Variants in RIT2 observed in about 807,000 individuals in gnomAD.
RIT2 encodes Ras like without CAAX 2.
In RIT2, 24 loss-of-function variants were observed where a neutral mutation model predicts 23.7. The ratio of observed to expected loss-of-function variants is 1.01; its 90% CI spans 0.73 to 1.43. RIT2 has a LOEUF of 1.43. Among genes scored for constraint, RIT2 ranks in the 40% most tolerant of loss-of-function variants. The pLI is 0.00. For missense variants in RIT2, 236 were observed against 266.9 expected (o/e 0.88, Z 0.81); for synonymous variants, 107 against 91.1 (o/e 1.17, Z -0.99).
chr18:42,992,282 C>T (rs7241788), intron 2 of RIT2, among the ~76,000 whole-genome samples: 149,374 of 152,244 alleles, frequency 0.98, 73,340 homozygotes, highest in Middle Eastern at 1. Context: ...TGATAGTGGT[C>T]CCAAATAGCC....
At chr18:42,890,760 A>T (rs1325539464) in intron 4 of RIT2, among the ~76,000 whole-genome samples, 2 of 152,102 alleles carry the variant, frequency 1.3e-5, no homozygotes, top group African/African-American at 4.8e-5. Flanking sequence ...TATGTTGCCA[A>T]GTCTAAAAAA....
At chr18:42,865,288 T>C (rs1907439952) in intron 4 of RIT2, among the ~76,000 whole-genome samples, 1 of 152,196 alleles carries the variant, frequency 6.6e-6, no homozygotes, top group South Asian at 2.1e-4. Context: ...GTCCACTTAC[T>C]TTCCTTGAGG....
At chr18:42,864,915 T>C (rs1907429496) in intron 4 of RIT2, among the ~76,000 whole-genome samples, 1 of 152,132 alleles carries the variant, frequency 6.6e-6, no homozygotes, top group South Asian at 2.1e-4. Context: ...GTATGCCTTG[T>C]ATAAAAAGCC....
chr18:42,970,075 G>A (rs1288822537), intron 3 of RIT2, among the ~76,000 whole-genome samples: 1 of 151,964 alleles, frequency 6.6e-6, no homozygotes, highest in East Asian at 1.9e-4. Flanking sequence ...TGAGTAAAAT[G>A]TAAATGGATT....
At chr18:42,893,003 C>T (rs1200877036) in intron 4 of RIT2, among the ~76,000 whole-genome samples, 1 of 152,108 alleles carries the variant, frequency 6.6e-6, no homozygotes, top group African/African-American at 2.4e-5. Flanking sequence ...AATTGTATCA[C>T]AATAGATGGT....
intron 3 of RIT2, among the ~76,000 whole-genome samples, chr18:42,946,718 C>A (rs1185301412): frequency 6.6e-6 from 1 of 151,854 alleles, no homozygotes; most frequent in East Asian, 1.9e-4. Context: ...TGCCTAAAAT[C>A]TCAAAAATAA....
chr18:42,832,054 T>G (rs1233567154), intron 4 of RIT2, among the ~76,000 whole-genome samples: 3 of 152,192 alleles, frequency 2.0e-5, no homozygotes, highest in Non-Finnish European at 4.4e-5. Flanking sequence ...TGAGTTGCTA[T>G]TCCTAGGTTA....
chr18:42,983,613 C>T (rs895190243), intron 2 of RIT2, among the ~76,000 whole-genome samples: 2 of 151,950 alleles, frequency 1.3e-5, no homozygotes, highest in African/African-American at 4.8e-5. Context: ...TGACAAAAAA[C>T]TCATGTTTAA....
chr18:42,970,039 T>TA (rs1311091520), intron 3 of RIT2, among the ~76,000 whole-genome samples: 2 of 151,998 alleles, frequency 1.3e-5, no homozygotes, highest in Non-Finnish European at 1.5e-5. Flanking sequence ...AGTTATTCCA[T>TA]AAAAAAAGTG....
intron 4 of RIT2, among the ~76,000 whole-genome samples, chr18:42,806,122 TATATATA>T (rs2143968606): frequency 6.9e-6 from 1 of 145,560 alleles, no homozygotes; most frequent in African/African-American, 2.5e-5. Flanking sequence ...TATATATATA[TATATATA>T]TTTTACAAAT....
Position 42,990,609 on chromosome 18 carries a change from T to C in RIT2, c.161-16462A>G, listed in dbSNP as rs140975969. Among the ~76,000 whole-genome samples the C allele has an allele frequency of 2.4e-3, 365 of 152,350 alleles. 2 individuals are homozygous for C. Among genetic ancestry groups the C allele is most frequent in the African/African-American group, 8.6e-3 (357 of 41,580 alleles). On this transcript the variant is annotated intron_variant, in intron 2 of 4. Transcript: ENST00000326695. The stretch of plus-strand genomic sequence containing the variant: ...TCTTAGTCTCAGCTGTTTGAAAGCA[T>C]GAAGCATGCCTTATTCATCTTTGTA...
chr18:42,974,035 TA>T, intron 3 of RIT2, 38 bp downstream of exon 3: 1 of 1,378,512 alleles, frequency 7.3e-7, no homozygotes, highest in Non-Finnish European at 1.0e-6. Context: ...AAGCATAAAA[TA>T]AACTCAGAGA....
At chr18:43,002,042 A>G (rs935152124) in intron 2 of RIT2, among the ~76,000 whole-genome samples, 1 of 151,986 alleles carries the variant, frequency 6.6e-6, no homozygotes, top group African/African-American at 2.4e-5. Context: ...AAGTCCCACA[A>G]GAGGCCATCG....
At chr18:43,051,491 C>T (rs1167736839) in intron 1 of RIT2, among the ~76,000 whole-genome samples, 1 of 151,970 alleles carries the variant, frequency 6.6e-6, no homozygotes, top group Non-Finnish European at 1.5e-5. Flanking sequence ...AAAAAATTTC[C>T]ATCCAGGAGA....
chr18:42,996,639 C>G (rs1331741924), intron 2 of RIT2, among the ~76,000 whole-genome samples: 1 of 151,870 alleles, frequency 6.6e-6, no homozygotes, highest in African/African-American at 2.4e-5. Flanking sequence ...GAGAACAACC[C>G]CCCTTTGAGT....
chr18:43,040,114 C>T (rs373659252), intron 1 of RIT2, among the ~76,000 whole-genome samples: 3 of 152,054 alleles, frequency 2.0e-5, no homozygotes, highest in African/African-American at 7.2e-5. Context: ...TTAAAGTTCA[C>T]CCATAAAACA....
intron 4 of RIT2, among the ~76,000 whole-genome samples, chr18:42,819,707 A>G (rs1199780585): frequency 1.3e-5 from 2 of 152,130 alleles, no homozygotes. Flanking sequence ...TTCTACCTGT[A>G]TTCATTGTCC....
At chr18:43,101,310 T>C (rs1598784649) in intron 1 of RIT2, among the ~76,000 whole-genome samples, 1 of 152,204 alleles carries the variant, frequency 6.6e-6, no homozygotes, top group East Asian at 1.9e-4. Context: ...TATGAATTCT[T>C]ACTCTCATTA....
chr18:42,767,635 A>T (rs898243566), intron 4 of RIT2, among the ~76,000 whole-genome samples: 1 of 152,134 alleles, frequency 6.6e-6, no homozygotes, highest in Non-Finnish European at 1.5e-5. Flanking sequence ...TTGGTCTTGC[A>T]ATGTGAGGAC....
Sources: allele counts gnomAD v4.1 joint callset (sites outside exome capture counted in the v4.1 genomes callset), GRCh38; gene constraint gnomAD v4.1.1; transcripts MANE v1.5; gene names NCBI Gene and HGNC (gene_info 2026-07-23, HGNC 2026-07-21).